RBFOX1: variants seen among roughly 807,000 people sequenced by gnomAD.
The protein encoded by RBFOX1 is RNA binding protein fox-1 homolog 1.
In RBFOX1, 8 loss-of-function variants were observed where a neutral mutation model predicts 57.7. The ratio of observed to expected loss-of-function variants is 0.14; its 90% CI spans 0.08 to 0.25. RBFOX1 has a LOEUF of 0.25. Among genes scored for constraint, RBFOX1 ranks in the 10% least tolerant of loss-of-function variants. The pLI is 1.00. For missense variants in RBFOX1, 611 were observed against 548.5 expected (o/e 1.11, Z -1.14); for synonymous variants, 326 against 222.4 (o/e 1.47, Z -4.15).
chr16:6,984,323 C>A (rs193151763), intron 3 of RBFOX1, among the ~76,000 whole-genome samples: 1 of 152,138 alleles, frequency 6.6e-6, no homozygotes, highest in Non-Finnish European at 1.5e-5. Flanking sequence ...GCCCTTTGAT[C>A]TGTGAAATAT....
At chr16:6,290,029 T>C (rs1425313792) in intron 1 of RBFOX1, among the ~76,000 whole-genome samples, 1 of 152,148 alleles carries the variant, frequency 6.6e-6, no homozygotes, top group Non-Finnish European at 1.5e-5. Context: ...CCCGTGGTTT[T>C]AAGCAAAATG....
At chr16:6,355,942 C>T (rs868241242) in intron 2 of RBFOX1, among the ~76,000 whole-genome samples, 4 of 151,912 alleles carry the variant, frequency 2.6e-5, no homozygotes, top group African/African-American at 9.7e-5. Flanking sequence ...GTCAAGAAAA[C>T]ACATGGGCCA....
At chr16:7,542,432 G>T (rs1048194264) in intron 5 of RBFOX1, among the ~76,000 whole-genome samples, 4 of 151,954 alleles carry the variant, frequency 2.6e-5, no homozygotes, top group Non-Finnish European at 5.9e-5. Flanking sequence ...TACCCAAACG[G>T]GTGCAAGTGC....
At chr16:5,297,851 C>G (rs962157707) in intron 1 of RBFOX1, among the ~76,000 whole-genome samples, 2 of 152,198 alleles carry the variant, frequency 1.3e-5, no homozygotes, top group African/African-American at 4.8e-5. Flanking sequence ...AACACTTATT[C>G]CCTTTTAAAT....
At chr16:5,580,192 G>C (rs954518907) in intron 2 of RBFOX1, among the ~76,000 whole-genome samples, 1 of 152,322 alleles carries the variant, frequency 6.6e-6, no homozygotes, top group Admixed American at 6.5e-5. Context: ...ATGGTGCCTA[G>C]GGGGACCCCA....
At chr16:7,249,971 A>G (rs1010091483) in intron 4 of RBFOX1, among the ~76,000 whole-genome samples, 6 of 152,352 alleles carry the variant, frequency 3.9e-5, no homozygotes, top group African/African-American at 7.2e-5. Context: ...TTAATAATGA[A>G]GAGAAGCATT....
At chr16:5,922,980 G>A (rs2058856781) in intron 4 of RBFOX1, among the ~76,000 whole-genome samples, 1 of 152,180 alleles carries the variant, frequency 6.6e-6, no homozygotes, top group African/African-American at 2.4e-5. Context: ...AGAGGATGTG[G>A]AGGACAGAGA....
At chr16:5,741,647 T>G (rs1319057887) in intron 3 of RBFOX1, among the ~76,000 whole-genome samples, 1 of 152,242 alleles carries the variant, frequency 6.6e-6, no homozygotes, top group African/African-American at 2.4e-5. Context: ...GCGACACATA[T>G]ATCACCATTA....
intron 3 of RBFOX1, among the ~76,000 whole-genome samples, chr16:6,862,324 G>A (rs2059163953): frequency 6.6e-6 from 1 of 152,160 alleles, no homozygotes; most frequent in South Asian, 2.1e-4. Context: ...CAAGCTCACA[G>A]GCGATGCTGA....
chr16:7,070,179 A>G (rs996824836), intron 4 of RBFOX1, among the ~76,000 whole-genome samples: 1 of 152,330 alleles, frequency 6.6e-6, no homozygotes, highest in East Asian at 1.9e-4. Context: ...AGTTTGGCTC[A>G]CTGAGCGATC....
chr16:6,940,624 G>C (rs112788999), intron 3 of RBFOX1, among the ~76,000 whole-genome samples: 1 of 152,122 alleles, frequency 6.6e-6, no homozygotes, highest in Non-Finnish European at 1.5e-5. Flanking sequence ...TTGAGGCGGA[G>C]TCTTACTCTG....
At chr16:7,358,940 A>T (rs1342053157) in intron 4 of RBFOX1, among the ~76,000 whole-genome samples, 1 of 152,228 alleles carries the variant, frequency 6.6e-6, no homozygotes. Flanking sequence ...CGGATCCATA[A>T]AGTAAAACAT....
At chr16:6,750,162 C>G (rs1457019674) in intron 3 of RBFOX1, among the ~76,000 whole-genome samples, 2 of 152,092 alleles carry the variant, frequency 1.3e-5, no homozygotes, top group African/African-American at 2.4e-5. Context: ...CTGGAGAGAG[C>G]AAAATGGGAT....
intron 1 of RBFOX1, among the ~76,000 whole-genome samples, chr16:6,067,847 C>T (rs535756745): frequency 1.3e-5 from 2 of 152,334 alleles, no homozygotes; most frequent in Non-Finnish European, 2.9e-5. Flanking sequence ...TGAAAACTCA[C>T]AGACTAAGCT....
chr16:7,283,483 G>GA (rs1384610692), intron 4 of RBFOX1, among the ~76,000 whole-genome samples: 1 of 151,946 alleles, frequency 6.6e-6, no homozygotes, highest in African/African-American at 2.4e-5. Flanking sequence ...AATTTGCTAA[G>GA]AAAATCGTAT....
chr16:5,622,372 G>C (rs1482869914), intron 3 of RBFOX1, among the ~76,000 whole-genome samples: 1 of 152,170 alleles, frequency 6.6e-6, no homozygotes, highest in Admixed American at 6.5e-5. Context: ...CAGAATGTAG[G>C]TTCCATGGGG....
chr16:5,926,625 T>C (rs1162031384), intron 4 of RBFOX1, among the ~76,000 whole-genome samples: 1 of 152,126 alleles, frequency 6.6e-6, no homozygotes, highest in Non-Finnish European at 1.5e-5. Flanking sequence ...CTCAATCTCT[T>C]CATTATTTAT....
At chr16:5,869,261 C>T (rs967662771) in intron 4 of RBFOX1, among the ~76,000 whole-genome samples, 3 of 152,090 alleles carry the variant, frequency 2.0e-5, no homozygotes, top group African/African-American at 7.2e-5. Flanking sequence ...TGGTCATCAC[C>T]TGAGACAGCT....
chr16:7,060,528 C>G (rs897101347), intron 4 of RBFOX1, among the ~76,000 whole-genome samples: 1 of 152,138 alleles, frequency 6.6e-6, no homozygotes, highest in Non-Finnish European at 1.5e-5. Flanking sequence ...TTCTGCCATT[C>G]TCAAATGAAA....
Sources: allele counts gnomAD v4.1 joint callset (sites outside exome capture counted in the v4.1 genomes callset), GRCh38; gene constraint gnomAD v4.1.1; transcripts MANE v1.5; gene names NCBI Gene and HGNC (gene_info 2026-07-23, HGNC 2026-07-21).